Variants in LTBP2 observed in about 807,000 individuals in gnomAD.
LTBP2 encodes latent transforming growth factor beta binding protein 2.
A neutral mutation model predicts 210.6 loss-of-function variants in LTBP2; 103 were observed. The observed-to-expected ratio is 0.49, with a 90% CI of 0.42 to 0.58. The LOEUF (loss-of-function observed/expected upper bound fraction) is 0.58. Among genes scored for constraint, LTBP2 ranks in the 20% least tolerant of loss-of-function variants. The probability of loss-of-function intolerance (pLI) is 0.00; values close to 1 mark genes in which losing one functional copy is unlikely to be tolerated. For synonymous variants in LTBP2, 1,007 were observed against 1,015.0 expected (o/e 0.99, Z 0.15); for missense variants, 2,313 against 2,494.5 (o/e 0.93, Z 1.55).
chr14:74,598,872 G>A (rs1218757685), intron 2 of LTBP2, among the ~76,000 whole-genome samples: 1 of 152,142 alleles, frequency 6.6e-6, no homozygotes, highest in Non-Finnish European at 1.5e-5. Flanking sequence ...AGAAAGCACA[G>A]AGCTAAGCCC....
In LTBP2 at chr14:74,509,019, G is replaced by T. The variant is rs2087032123; in HGVS notation, c.3404-67C>A. 58 of 1,603,244 alleles carry T rather than the reference G, an allele frequency of 3.6e-5. No homozygotes were observed. In the South Asian group the frequency reaches 6.0e-4, roughly 16 times the overall value. ...CCTCCCAAGGACAGGAGTCAAGGGGGAAGTCTCCAGAGGACCTGTCACCTG... is the reference window on the plus strand; with the variant it reads ...CCTCCCAAGGACAGGAGTCAAGGGGTAAGTCTCCAGAGGACCTGTCACCTG... On this transcript the variant is annotated intron_variant, in intron 22 of 35. Coordinates refer to ENST00000261978, the MANE Select transcript of LTBP2 (RefSeq NM_000428.3).
In LTBP2 at chr14:74,551,313, G is replaced by A. The variant is rs1173593746; in HGVS notation, c.1437C>T (p.His479=). The A allele has an allele frequency of 1.9e-6, 3 of 1,593,464 alleles. No homozygotes were observed. Among genetic ancestry groups the A allele is most frequent in the Non-Finnish European group, 2.6e-6 (3 of 1,167,690 alleles). Reference sequence around the variant, plus strand: ...TCTGCACTGAGGCCTCGGGTGGGTGGTGAATGTGCACCTTCACCAGGGAGG... The same window carrying A: ...TCTGCACTGAGGCCTCGGGTGGGTGATGAATGTGCACCTTCACCAGGGAGG... ...VNPSLVKVHI[H]HPPEASVQIH... is the part of the protein sequence containing the mutation. Residue 479 remains histidine, a synonymous_variant, in exon 7 of 36, where the codon CAC becomes CAT. Coordinates refer to ENST00000261978, the MANE Select transcript of LTBP2 (RefSeq NM_000428.3).
intron 2 of LTBP2, among the ~76,000 whole-genome samples, chr14:74,592,955 A>AC (rs1366889105): frequency 1.3e-5 from 2 of 150,026 alleles, no homozygotes; most frequent in Admixed American, 6.6e-5. Context: ...TCTTTTCCAC[A>AC]CCCCCCTGGC....
rs761153080 is a variant in LTBP2, at chr14:74,503,311, A to G, written c.4796T>C (p.Leu1599Pro). 72 of 1,613,964 alleles carry G rather than the reference A, an allele frequency of 4.5e-5. No homozygotes were observed. Among genetic ancestry groups the G allele is most frequent in the Non-Finnish European group, 5.8e-5 (68 of 1,179,994 alleles). ...CGTGTAGGTGGTGCGGTGCCCACGC[A>G]GGGGTTCGCTGCACACATCATTGGT... The part of the protein sequence containing the change: ...KVTNDVCSEP[L>P]RGHRTTYTEC... Residue 1599 changes from leucine (L) to proline (P), a missense_variant, in exon 33 of 36, where the codon CTG becomes CCG. By Grantham distance (98) the Leu-to-Pro change is moderately conservative. This residue lies in a region of LTBP2 where 443 missense variants were observed against 501.4 expected (regional missense o/e 0.88). Coordinates refer to ENST00000261978, the MANE Select transcript of LTBP2 (RefSeq NM_000428.3).
At chr14:74,570,889 C>A (rs1183634684) in intron 3 of LTBP2, among the ~76,000 whole-genome samples, 1 of 152,146 alleles carries the variant, frequency 6.6e-6, no homozygotes, top group Non-Finnish European at 1.5e-5. Flanking sequence ...GTGCTCTGGG[C>A]AAATTCTCAA....
In LTBP2 at chr14:74,526,626, G is replaced by A. The variant is rs904554647; in HGVS notation, c.2389-512C>T. The stretch of plus-strand genomic sequence containing the variant: ...GAAAAAGGCCCTGGAGGCTGGCTGC[G>A]TCTGTGGGGACCAGAGTTAGAGCTT... On this transcript the variant is annotated intron_variant, in intron 13 of 35. Coordinates refer to ENST00000261978, the MANE Select transcript of LTBP2 (RefSeq NM_000428.3). Among the ~76,000 whole-genome samples the A allele has an allele frequency of 1.4e-4, 21 of 152,238 alleles. No individual in the cohort carries two copies. The South Asian group carries it at 1.4e-3, about 10-fold the overall frequency.
rs374020525 is a variant in LTBP2, at chr14:74,566,616, G to A, written c.831-10923C>T. 3.3e-5 allele frequency among the ~76,000 whole-genome samples: 5 copies of A among 152,296 alleles called. No homozygotes were observed. The East Asian group carries it at 7.7e-4, about 24-fold the overall frequency. ...CCCTGGGGACCTAAGATAGGGAGAC[G>A]AGTAGGGACAGCATGTTCAACGGGC... On this transcript the variant is annotated intron_variant, in intron 3 of 35. Transcript: ENST00000261978.
chr14:74,592,329 C>T (rs559173860), intron 2 of LTBP2, among the ~76,000 whole-genome samples: 21 of 152,166 alleles, frequency 1.4e-4, no homozygotes, highest in Admixed American at 3.3e-4. Context: ...AGCGAGTCTT[C>T]ATGTTTTGCC....
intron 1 of LTBP2, among the ~76,000 whole-genome samples, chr14:74,606,858 A>C (rs1013259370): frequency 1.2e-4 from 17 of 140,634 alleles, no homozygotes; most frequent in African/African-American, 4.4e-4. Context: ...CAAAACAAAC[A>C]AAAAAAAAAA....
intron 3 of LTBP2, among the ~76,000 whole-genome samples, chr14:74,584,170 A>T (rs1193876037): frequency 1.3e-5 from 2 of 152,188 alleles, no homozygotes; most frequent in African/African-American, 4.8e-5. Flanking sequence ...GCGCAGATGC[A>T]TGCCAGAGAG....
At chr14:74,574,866 G>C (rs556488208) in intron 3 of LTBP2, among the ~76,000 whole-genome samples, 1 of 152,330 alleles carries the variant, frequency 6.6e-6, no homozygotes, top group East Asian at 1.9e-4. Flanking sequence ...GGAGAAGGGG[G>C]AAGGTAGGAG....
At chr14:74,519,888 C>T (rs950524054) in intron 17 of LTBP2, among the ~76,000 whole-genome samples, 1 of 152,212 alleles carries the variant, frequency 6.6e-6, no homozygotes, top group African/African-American at 2.4e-5. Context: ...CCCACCTAGA[C>T]GATTGGAGCC....
intron 11 of LTBP2, 53 bp downstream of exon 11, chr14:74,528,905 C>A: frequency 6.3e-7 from 1 of 1,596,220 alleles, no homozygotes; most frequent in South Asian, 1.1e-5. Flanking sequence ...GCAACATGGT[C>A]ACTGGCCTTG....
At chr14:74,535,371 G>A (rs1227049228) in intron 9 of LTBP2, among the ~76,000 whole-genome samples, 2 of 152,200 alleles carry the variant, frequency 1.3e-5, no homozygotes, top group African/African-American at 4.8e-5. Flanking sequence ...CCACAGGGAA[G>A]CCACCTTGTT....
In LTBP2 at chr14:74,508,676, T is replaced by A. The variant is rs1339104761; in HGVS notation, c.3580A>T (p.Asn1194Tyr). The A allele has an allele frequency of 1.2e-6, 2 of 1,613,662 alleles. No homozygotes were observed. The highest frequency in any genetic ancestry group is 3.3e-5 in the Admixed American group (2 of 60,018). The change falls in exon 24 of 36, where the codon AAC becomes TAC. Residue 1194 changes from asparagine to tyrosine, a missense_variant. This residue lies in a region of LTBP2 where 1,867 missense variants were observed against 1,976.9 expected (regional missense o/e 0.94). Transcript: ENST00000261978. ...AGACAGAAGAAAGACCCGTGGCTGT[T>A]GAGGCACTCGCCGTGGGGTGCGCAG... ...EHCAPHGECL[N>Y]SHGSFFCLCA...
intron 3 of LTBP2, among the ~76,000 whole-genome samples, chr14:74,574,830 C>T (rs1465045105): frequency 6.6e-6 from 1 of 152,166 alleles, no homozygotes; most frequent in Non-Finnish European, 1.5e-5. Context: ...CTTCTTGGGC[C>T]AGATGTCCGC....
intron 8 of LTBP2, among the ~76,000 whole-genome samples, chr14:74,542,245 G>A (rs2087517292): frequency 6.6e-6 from 1 of 152,208 alleles, no homozygotes; most frequent in Admixed American, 6.5e-5. Context: ...CCTCTGCCGT[G>A]CCTCGGTTGC....
intron 2 of LTBP2, among the ~76,000 whole-genome samples, chr14:74,600,735 A>G (rs2088435540): frequency 6.6e-6 from 1 of 152,064 alleles, no homozygotes; most frequent in African/African-American, 2.4e-5. Context: ...CTCCCAACAA[A>G]GGCTAAGCTC....
rs1179816529 is a variant in LTBP2 at position 74,609,576 on chromosome 14, A to C, written c.494+1875T>G. On this transcript the variant is annotated intron_variant, in intron 1 of 35. Coordinates refer to ENST00000261978, the MANE Select transcript of LTBP2 (RefSeq NM_000428.3). Reference sequence around the variant, plus strand: ...CCCCTGGGCCAGTGCCAACAGTAAAAAGCCCTTGTCCTTGGGCAGTGCTAC... The same window carrying C: ...CCCCTGGGCCAGTGCCAACAGTAAACAGCCCTTGTCCTTGGGCAGTGCTAC... Among the ~76,000 whole-genome samples, 36 of 151,952 alleles carry C rather than the reference A, an allele frequency of 2.4e-4. 2 individuals carry two copies. Among genetic ancestry groups the C allele is most frequent in the Admixed American group, 2.4e-3 (36 of 15,264 alleles).
Sources: allele counts gnomAD v4.1 joint callset (sites outside exome capture counted in the v4.1 genomes callset), GRCh38; gene constraint gnomAD v4.1.1; regional missense constraint gnomAD v4.1.1; transcripts MANE v1.5; gene names NCBI Gene and HGNC (gene_info 2026-07-23, HGNC 2026-07-21).